Variants in SLC2A14 observed in about 807,000 individuals in gnomAD.
The protein encoded by SLC2A14 is solute carrier family 2, facilitated glucose transporter member 14.
Under a neutral mutation model 43.0 loss-of-function variants are expected in SLC2A14, and 13 were observed. The ratio of observed to expected loss-of-function variants is 0.30; its 90% confidence interval spans 0.20 to 0.48. The LOEUF (loss-of-function observed/expected upper bound fraction) is 0.48, where lower values mean the gene tolerates loss of function less well. SLC2A14 is among the 20% of genes least tolerant of loss of function. The probability of loss-of-function intolerance (pLI) is 0.99; values close to 1 mark genes in which losing one functional copy is unlikely to be tolerated. For synonymous variants in SLC2A14, 190 were observed against 233.8 expected (o/e 0.81, Z 1.71); for missense variants, 428 against 620.4 (o/e 0.69, Z 3.29).
At chr12:7,827,154 C>G (rs1474099944) in intron 7 of SLC2A14, among the ~76,000 whole-genome samples, 1 of 148,378 alleles carries the variant, frequency 6.7e-6, no homozygotes. Context: ...CTGGTTGCTC[C>G]GGCTGGAGTG....
chr12:7,822,640 G>A (rs1864018247), intron 7 of SLC2A14, among the ~76,000 whole-genome samples: 2 of 147,966 alleles, frequency 1.4e-5, no homozygotes, highest in South Asian at 4.2e-4. Flanking sequence ...CTGCACTCCA[G>A]CCTGGGCAAC....
upstream of SLC2A14, among the ~76,000 whole-genome samples, chr12:7,876,880 A>G (rs1165894208): frequency 3.9e-5 from 6 of 152,148 alleles, no homozygotes; most frequent in Admixed American, 3.3e-4. Context: ...GACTGTTCCC[A>G]TATCCCATAT....
At chr12:7,873,835 A>G (rs1388689061), upstream of SLC2A14, among the ~76,000 whole-genome samples, 1 of 152,070 alleles carries the variant, frequency 6.6e-6, no homozygotes, top group African/African-American at 2.4e-5. Context: ...AGGCCCCTGC[A>G]GACAGCACGA....
upstream of SLC2A14, chr12:7,873,452 G>T: frequency 5.9e-6 from 4 of 678,514 alleles, no homozygotes; most frequent in Non-Finnish European, 7.3e-6. Context: ...GACCAGCCTG[G>T]CCAACATGGC....
chr12:7,845,968 C>T (rs1866434596), intron 2 of SLC2A14, among the ~76,000 whole-genome samples: 1 of 151,774 alleles, frequency 6.6e-6, no homozygotes, highest in Non-Finnish European at 1.5e-5. Flanking sequence ...TGGTGCATGC[C>T]TGTAAACCCA....
intron 1 of SLC2A14, among the ~76,000 whole-genome samples, chr12:7,887,600 GAT>G (rs1945709706): frequency 7.5e-6 from 1 of 133,514 alleles, no homozygotes; most frequent in Non-Finnish European, 1.7e-5. Context: ...TAGATAGATA[GAT>G]AGATAGATAG....
At chr12:7,864,067 C>T (rs925646842) in intron 2 of SLC2A14, among the ~76,000 whole-genome samples, 3 of 151,918 alleles carry the variant, frequency 2.0e-5, no homozygotes, top group East Asian at 1.9e-4. Flanking sequence ...CTGCACGCCT[C>T]GGCCTCACAA....
At chr12:7,852,732 A>C (rs773329166) in intron 2 of SLC2A14, among the ~76,000 whole-genome samples, 1 of 152,100 alleles carries the variant, frequency 6.6e-6, no homozygotes, top group Non-Finnish European at 1.5e-5. Context: ...GCAAGTCACC[A>C]CTGTTTGAGA....
At chr12:7,860,589 G>A (rs1944495079) in intron 2 of SLC2A14, 1 of 152,280 alleles carries the variant, frequency 6.6e-6, no homozygotes. Context: ...CCAGCATGAA[G>A]GACCAGTTGG....
At chr12:7,870,779 T>G (rs756658846) in intron 1 of SLC2A14, 94 of 863,910 alleles carry the variant, frequency 1.1e-4, no homozygotes, top group Non-Finnish European at 1.4e-4. Context: ...AATATACTTT[T>G]CAAAAAAAGT....
rs1439327038 is a variant in SLC2A14 at position 7,816,121 on chromosome 12, G to A, written c.1276-1587C>T. Among the ~76,000 whole-genome samples, 24 of 46,564 alleles carry A rather than the reference G, an allele frequency of 5.2e-4. 6 individuals carry two copies. The highest frequency in any genetic ancestry group is 3.2e-3 in the Admixed American group (11 of 3,430). The allele number at this position is 46,564 out of a possible 152,430, so 30.5% of individuals were successfully genotyped here. On this transcript the variant is annotated intron_variant, in intron 10 of 10. Coordinates refer to ENST00000431042, the MANE Select transcript of SLC2A14 (RefSeq NM_001286234.2). ...TTATTTTTTTTATTTTTTTTGAGAC[G>A]GAGTCTCGCTCTGTCGCCCAGGCCG... is the stretch of plus-strand genomic sequence containing the variant.
intron 1 of SLC2A14, among the ~76,000 whole-genome samples, chr12:7,889,578 C>G (rs1246010786): frequency 1.4e-5 from 2 of 147,578 alleles, no homozygotes; most frequent in African/African-American, 5.0e-5. Flanking sequence ...TCTTGTTGCC[C>G]AGGCTGGAGT....
chr12:7,882,626 CAG>C (rs772404626), intron 1 of SLC2A14, among the ~76,000 whole-genome samples: 5 of 152,204 alleles, frequency 3.3e-5, no homozygotes, highest in South Asian at 2.1e-4. Context: ...CACTTGAGCT[CAG>C]GGGTTAAAGA....
intron 1 of SLC2A14, among the ~76,000 whole-genome samples, chr12:7,879,620 G>A (rs1945531099): frequency 6.6e-6 from 1 of 152,040 alleles, no homozygotes; most frequent in African/African-American, 2.4e-5. Flanking sequence ...GGAGGTGGAG[G>A]TTGCAGTGAG....
upstream of SLC2A14, among the ~76,000 whole-genome samples, chr12:7,876,481 T>C (rs1197929984): frequency 6.6e-6 from 1 of 151,964 alleles, no homozygotes; most frequent in Non-Finnish European, 1.5e-5. Flanking sequence ...AAAGAGAAAG[T>C]GTTTACATTG....
chr12:7,886,193 A>T (rs1182698469), intron 1 of SLC2A14, among the ~76,000 whole-genome samples: 1 of 103,368 alleles, frequency 9.7e-6, no homozygotes, highest in Admixed American at 1.4e-4. Context: ...AGACAAGGTC[A>T]GGCTGTCCCT....
rs761050175 is a variant in SLC2A14 at position 7,869,183 on chromosome 12, T to G, written c.18+680A>C. Among the ~76,000 whole-genome samples, 9 of 151,762 alleles carry G rather than the reference T, an allele frequency of 5.9e-5. No homozygotes were observed. The South Asian group carries it at 1.9e-3, about 32-fold the overall frequency. On this transcript the variant is annotated intron_variant, in intron 2 of 10. Coordinates refer to ENST00000431042, the MANE Select transcript of SLC2A14 (RefSeq NM_001286234.2). ...ACAGTGTTGACTAAGTATGCTCTGC[T>G]TCTCTAAGTGTCACATTAAAATGTT... is the stretch of plus-strand genomic sequence containing the variant.
At chr12:7,817,783 G>A (rs1489094669) in intron 10 of SLC2A14, 48 bp downstream of exon 10, 1 of 1,513,100 alleles carries the variant, frequency 6.6e-7, no homozygotes, top group South Asian at 1.2e-5. Flanking sequence ...TAGATAGACA[G>A]ATACATAGAT....
intron 3 of SLC2A14, 50 bp from the exon 4 acceptor site, chr12:7,831,814 A>G (rs375953950): frequency 3.2e-5 from 51 of 1,604,572 alleles, no homozygotes; most frequent in Non-Finnish European, 4.3e-5. Context: ...GATGAGAACA[A>G]AAGATACAAA....
Sources: gnomAD v4.1 joint callset for allele counts (sites outside exome capture counted in the v4.1 genomes callset) on GRCh38, gnomAD v4.1.1 for gene constraint, MANE v1.5 for transcripts, NCBI Gene and HGNC (gene_info 2026-07-23, HGNC 2026-07-21) for gene names.